The following GAREM1 variants were observed in gnomAD, a reference collection of about 807,000 sequenced individuals.
The protein encoded by GAREM1 is GRB2 associated regulator of MAPK1 subtype 1, also known as GRB2-associated and regulator of MAPK protein 1.
Under a neutral mutation model 71.3 loss-of-function variants are expected in GAREM1, and 26 were observed. The observed-to-expected ratio is 0.36, with a 90% CI of 0.27 to 0.51. The LOEUF is 0.51. Among genes scored for constraint, GAREM1 ranks in the 20% least tolerant of loss-of-function variants. GAREM1 has a pLI of 0.95. For synonymous variants in GAREM1, 440 were observed against 433.2 expected (o/e 1.02, Z -0.20); for missense variants, 1,026 against 1,103.1 (o/e 0.93, Z 0.99).
intron 2 of GAREM1, among the ~76,000 whole-genome samples, chr18:32,381,532 C>T (rs1286438946): frequency 6.6e-6 from 1 of 151,888 alleles, no homozygotes; most frequent in Non-Finnish European, 1.5e-5. Flanking sequence ...TCGTTTTTTT[C>T]CTCTTGAACA....
At chr18:32,374,265 G>T (rs913247263) in intron 2 of GAREM1, among the ~76,000 whole-genome samples, 18 of 152,318 alleles carry the variant, frequency 1.2e-4, no homozygotes, top group Admixed American at 6.5e-4. Flanking sequence ...TCTACATTGC[G>T]TTCAGTCATT....
At chr18:32,316,901 T>C (rs993761950) in intron 2 of GAREM1, among the ~76,000 whole-genome samples, 2 of 152,232 alleles carry the variant, frequency 1.3e-5, no homozygotes, top group African/African-American at 4.8e-5. Context: ...GTAAATATTT[T>C]AGGTTTCATG....
chr18:32,279,373 C>A (rs1040148565), intron 4 of GAREM1, among the ~76,000 whole-genome samples: 1 of 152,154 alleles, frequency 6.6e-6, no homozygotes, highest in African/African-American at 2.4e-5. Flanking sequence ...TGGATTACTG[C>A]CCCAGCTCCA....
intron 2 of GAREM1, among the ~76,000 whole-genome samples, chr18:32,392,410 A>T (rs2144658683): frequency 6.6e-6 from 1 of 152,314 alleles, no homozygotes; most frequent in South Asian, 2.1e-4. Flanking sequence ...AGGGCATCTC[A>T]GTTGCCTGTA....
chr18:32,268,367 G>A lies in GAREM1; in HGVS notation c.2135C>T (p.Ala712Val), dbSNP rs752674071. ...CGTACTCTGCTTTGTCACACCAGCT[G>A]CAAGAGATTTCACATCTGTGCTCTC... The part of the protein sequence containing the change: ...SLESTDVKSL[A>V]AGVTKQSTSC... The change falls in exon 6 of 6, where the codon GCA becomes GTA. Residue 712 changes from alanine to valine, a missense_variant. Around this residue, in one of 3 missense-constraint regions of GAREM1, gnomAD observed 636 missense variants for 631.2 expected, o/e 1.01. Transcript: ENST00000269209. The A allele has an allele frequency of 6.2e-7, 1 of 1,614,170 alleles. No homozygotes were observed. Among genetic ancestry groups the A allele is most frequent in the South Asian group, 1.1e-5 (1 of 91,074 alleles).
chr18:32,432,105 A>G (rs919828011), intron 1 of GAREM1, among the ~76,000 whole-genome samples: 1 of 152,196 alleles, frequency 6.6e-6, no homozygotes, highest in Admixed American at 6.5e-5. Flanking sequence ...AGGAAACTGG[A>G]AACATCAGGA....
At chr18:32,435,354 A>G (rs2048665312) in intron 1 of GAREM1, among the ~76,000 whole-genome samples, 2 of 152,294 alleles carry the variant, frequency 1.3e-5, no homozygotes, top group Admixed American at 6.5e-5. Flanking sequence ...AGCTTTGATA[A>G]CTATACTACA....
chr18:32,379,889 T>C (rs1239201451), intron 2 of GAREM1, among the ~76,000 whole-genome samples: 3 of 152,162 alleles, frequency 2.0e-5, no homozygotes, highest in Admixed American at 6.5e-5. Context: ...CATACTGCTA[T>C]GAAACAGGGA....
intron 1 of GAREM1, among the ~76,000 whole-genome samples, chr18:32,443,225 T>C (rs1303236052): frequency 6.6e-6 from 1 of 152,182 alleles, no homozygotes; most frequent in Non-Finnish European, 1.5e-5. Context: ...TTTGTGACCT[T>C]GGATTTGGCA....
chr18:32,275,107 G>A (rs984362627), intron 4 of GAREM1, among the ~76,000 whole-genome samples: 1 of 152,140 alleles, frequency 6.6e-6, no homozygotes. Flanking sequence ...AAAGGCACCA[G>A]AAGACCTGCC....
At chr18:32,336,234 T>A (rs2047592362) in intron 2 of GAREM1, among the ~76,000 whole-genome samples, 1 of 151,894 alleles carries the variant, frequency 6.6e-6, no homozygotes, top group South Asian at 2.1e-4. Flanking sequence ...ATCGAGACCA[T>A]CCTGGCTAAA....
At chr18:32,419,856 T>C (rs1405720519) in intron 1 of GAREM1, among the ~76,000 whole-genome samples, 1 of 152,174 alleles carries the variant, frequency 6.6e-6, no homozygotes, top group East Asian at 1.9e-4. Flanking sequence ...TCAAGTGTTG[T>C]GTTTATACAG....
chr18:32,373,818 T>C (rs1416503698), intron 2 of GAREM1, among the ~76,000 whole-genome samples: 1 of 152,184 alleles, frequency 6.6e-6, no homozygotes, highest in Admixed American at 6.5e-5. Flanking sequence ...GTACCAGAAG[T>C]CTCAGAATTA....
At chr18:32,418,994 G>A (rs113608359) in intron 1 of GAREM1, among the ~76,000 whole-genome samples, 2,187 of 152,300 alleles carry the variant, frequency 0.014, 66 homozygotes, top group African/African-American at 0.05. Context: ...TCAGCTGGCT[G>A]CATTCTCATC....
intron 1 of GAREM1, among the ~76,000 whole-genome samples, chr18:32,401,834 A>C (rs1368160782): frequency 1.3e-5 from 2 of 152,224 alleles, no homozygotes. Flanking sequence ...GCAGCCAAGA[A>C]ACAACTGCAG....
intron 2 of GAREM1, among the ~76,000 whole-genome samples, chr18:32,341,713 G>T (rs2047649510): frequency 6.6e-6 from 1 of 152,170 alleles, no homozygotes; most frequent in South Asian, 2.1e-4. Flanking sequence ...TCACACTCTG[G>T]TTCCCAAGTG....
At chr18:32,409,200 T>C (rs2048394308) in intron 1 of GAREM1, among the ~76,000 whole-genome samples, 1 of 152,202 alleles carries the variant, frequency 6.6e-6, no homozygotes, top group African/African-American at 2.4e-5. Flanking sequence ...TATAAATTGG[T>C]GTATGTTCAA....
chr18:32,414,387 G>A (rs1206754133), intron 1 of GAREM1, among the ~76,000 whole-genome samples: 1 of 151,950 alleles, frequency 6.6e-6, no homozygotes, highest in Non-Finnish European at 1.5e-5. Context: ...ATAAACATAT[G>A]AGTTATTTTT....
In GAREM1 at chr18:32,268,307, A is replaced by G. The variant is rs189761198; in HGVS notation, c.2195T>C (p.Leu732Pro). 5.0e-6 allele frequency: 8 copies of G among 1,613,984 alleles called. No individual in the cohort carries two copies. In the East Asian group the frequency reaches 1.3e-4, roughly 27 times the overall value. ...TTCGGAGGCGACCTTCTCTTCCACT[A>G]GTTTTGGAGCCCTGGGGGGTAAGGC... Reference protein sequence around the residue: ...CPALPPRAPKLVEEKVASETS... With the variant: ...CPALPPRAPKPVEEKVASETS... The change falls in exon 6 of 6, where the codon CTA (leucine) becomes CCA (proline). Residue 732 changes from leucine to proline, a missense_variant. Physicochemically the swap from Leu to Pro is moderately conservative, Grantham distance 98. This residue lies in a region of GAREM1 where 636 missense variants were observed against 631.2 expected (regional missense o/e 1.01). Transcript: ENST00000269209.
Sources: allele counts gnomAD v4.1 joint callset (sites outside exome capture counted in the v4.1 genomes callset), GRCh38; gene constraint gnomAD v4.1.1; regional missense constraint gnomAD v4.1.1; transcripts MANE v1.5; gene names NCBI Gene and HGNC (gene_info 2026-07-23, HGNC 2026-07-21).